LOC128462377: variants seen among roughly 807,000 people sequenced by gnomAD.
At chr16:89,362,019 AG>A in the LOC128462377 span, among the ~76,000 whole-genome samples, 1 of 152,202 alleles carries the variant, frequency 6.6e-6, no homozygotes, top group African/African-American at 2.4e-5. Flanking sequence ...AATTTATGGG[AG>A]GGGGCAAGAC....
the LOC128462377 span, among the ~76,000 whole-genome samples, chr16:89,369,187 G>A: frequency 4.6e-5 from 7 of 152,168 alleles, no homozygotes; most frequent in African/African-American, 1.7e-4. Flanking sequence ...GTTTTCCCAA[G>A]AGAGAATATG....
chr16:89,340,508 C>T, the LOC128462377 span, among the ~76,000 whole-genome samples: 1 of 152,222 alleles, frequency 6.6e-6, no homozygotes, highest in Admixed American at 6.5e-5. Flanking sequence ...CTCCTGACTT[C>T]AGGCGATCCA....
At chr16:89,318,472 C>A in the LOC128462377 span, among the ~76,000 whole-genome samples, 9 of 152,364 alleles carry the variant, frequency 5.9e-5, no homozygotes, top group African/African-American at 1.7e-4. Flanking sequence ...CGCGACCATG[C>A]CGGGAGAAGC....
the LOC128462377 span, among the ~76,000 whole-genome samples, chr16:89,413,852 C>CT: frequency 2.6e-5 from 4 of 152,166 alleles, no homozygotes; most frequent in Non-Finnish European, 4.4e-5. Context: ...GAAAGAGCCT[C>CT]TCTCTGCTTT....
chr16:89,348,379 T>C, the LOC128462377 span, among the ~76,000 whole-genome samples: 1 of 152,240 alleles, frequency 6.6e-6, no homozygotes, highest in African/African-American at 2.4e-5. Context: ...GAGGTATCGC[T>C]ATCCTTTCTA....
the LOC128462377 span, among the ~76,000 whole-genome samples, chr16:89,357,113 G>T: frequency 6.6e-6 from 1 of 152,220 alleles, no homozygotes. Context: ...TCTGTAGGAG[G>T]GACAGTGTAA....
chr16:89,388,790 T>C, the LOC128462377 span, among the ~76,000 whole-genome samples: 1 of 152,116 alleles, frequency 6.6e-6, no homozygotes, highest in African/African-American at 2.4e-5. Context: ...TCCGCAGCCC[T>C]GGGAAGAAGG....
chr16:89,373,741 G>C, the LOC128462377 span, among the ~76,000 whole-genome samples: 521 of 152,298 alleles, frequency 3.4e-3, 3 homozygotes, highest in African/African-American at 0.012. Flanking sequence ...GCATGCACAC[G>C]ACACCCCTCC....
chr16:89,388,254 G>A, the LOC128462377 span, among the ~76,000 whole-genome samples: 1 of 150,490 alleles, frequency 6.6e-6, no homozygotes, highest in African/African-American at 2.4e-5. Flanking sequence ...CAGGGCCCAC[G>A]CGGGTGGTGC....
the LOC128462377 span, among the ~76,000 whole-genome samples, chr16:89,328,420 T>C: frequency 4.6e-5 from 7 of 152,222 alleles, no homozygotes; most frequent in African/African-American, 9.6e-5. Context: ...TCACTGATAA[T>C]AGACAATGGG....
chr16:89,403,111 A>G, the LOC128462377 span, among the ~76,000 whole-genome samples: 1 of 152,012 alleles, frequency 6.6e-6, no homozygotes, highest in Admixed American at 6.6e-5. Flanking sequence ...CACATCATCA[A>G]CCTCTCAGCG....
the LOC128462377 span, among the ~76,000 whole-genome samples, chr16:89,358,660 T>C: frequency 1.3e-5 from 2 of 152,250 alleles, no homozygotes; most frequent in Non-Finnish European, 2.9e-5. Flanking sequence ...TTACCCAGGA[T>C]GCTGCCTGCA....
At chr16:89,318,815 C>T in the LOC128462377 span, among the ~76,000 whole-genome samples, 10 of 152,332 alleles carry the variant, frequency 6.6e-5, no homozygotes, top group East Asian at 1.9e-4. Context: ...GTCGGGTCAA[C>T]GTATTCACTG....
chr16:89,367,313 G>A, the LOC128462377 span, among the ~76,000 whole-genome samples: 211 of 152,344 alleles, frequency 1.4e-3, no homozygotes, highest in Admixed American at 2.2e-3. Flanking sequence ...CAGCAGTACC[G>A]GGAGCCCCTC....
the LOC128462377 span, chr16:89,323,284 A>G: frequency 7.8e-7 from 1 of 1,288,724 alleles, no homozygotes. Flanking sequence ...ACTGTGTGCA[A>G]AGCCCTTGAG....
At chr16:89,349,216 T>C in the LOC128462377 span, among the ~76,000 whole-genome samples, 2 of 105,576 alleles carry the variant, frequency 1.9e-5, no homozygotes, top group Non-Finnish European at 3.9e-5. Flanking sequence ...AATCGATAAA[T>C]AGAATGATGG....
At chr16:89,387,760 T>C in the LOC128462377 span, among the ~76,000 whole-genome samples, 230 of 150,968 alleles carry the variant, frequency 1.5e-3, 5 homozygotes, top group Admixed American at 0.015. Context: ...CCCAACACTT[T>C]GGGAGGCTGA....
chr16:89,324,285 G>A, the LOC128462377 span: 6 of 1,254,442 alleles, frequency 4.8e-6, no homozygotes, highest in African/African-American at 4.6e-5. Context: ...CCCGTGCTCC[G>A]GAACACGGAC....
At chr16:89,407,642 G>A in the LOC128462377 span, among the ~76,000 whole-genome samples, 4 of 152,080 alleles carry the variant, frequency 2.6e-5, no homozygotes, top group Non-Finnish European at 5.9e-5. Flanking sequence ...GTAACACGGC[G>A]AGACGCCGTC....
Sources: allele counts gnomAD v4.1 joint callset (sites outside exome capture counted in the v4.1 genomes callset), GRCh38; gene constraint gnomAD v4.1.1; transcripts MANE v1.5.